SLC24A5: variants seen among roughly 807,000 people sequenced by gnomAD.
SLC24A5 encodes sodium/potassium/calcium exchanger 5.
A neutral mutation model predicts 51.6 loss-of-function variants in SLC24A5; 46 were observed. The ratio of observed to expected loss-of-function variants is 0.89; its 90% confidence interval spans 0.70 to 1.14. The LOEUF is 1.14. Among genes scored for constraint, SLC24A5 ranks in the 50% most tolerant of loss-of-function variants. The probability of loss-of-function intolerance (pLI) is 0.00; values close to 1 mark genes in which losing one functional copy is unlikely to be tolerated. For synonymous variants in SLC24A5, 230 were observed against 214.9 expected, an observed-to-expected ratio of 1.07 and a Z score of -0.62; for missense variants, 581 against 604.1, an observed-to-expected ratio of 0.96 and a Z score of 0.40.
intron 2 of SLC24A5, among the ~76,000 whole-genome samples, chr15:48,129,843 T>C (rs2038771214): frequency 6.6e-6 from 1 of 152,006 alleles, no homozygotes; most frequent in Admixed American, 6.6e-5. Flanking sequence ...CCTTAAAGAT[T>C]GTGTGGTCTG....
intron 6 of SLC24A5, 176 bp downstream of exon 6, chr15:48,137,139 A>G: frequency 1.6e-6 from 1 of 618,770 alleles, no homozygotes; most frequent in Admixed American, 3.4e-5. Context: ...GGAAATACAA[A>G]ATAGCTAAAG....
chr15:48,131,966 G>C (rs79122997), intron 2 of SLC24A5, among the ~76,000 whole-genome samples: 6 of 152,230 alleles, frequency 3.9e-5, no homozygotes, highest in Non-Finnish European at 7.4e-5. Context: ...TTAATGACTG[G>C]AGCTGGTATC....
chr15:48,132,441 T>G (rs1422435177), intron 2 of SLC24A5, among the ~76,000 whole-genome samples: 1 of 152,170 alleles, frequency 6.6e-6, no homozygotes, highest in Non-Finnish European at 1.5e-5. Flanking sequence ...AGAGCAGGAA[T>G]ATTTGTCTAT....
Position 48,139,237 on chromosome 15 carries a change from G to A in SLC24A5, c.1078+62G>A. 10 of 1,412,482 alleles carry A rather than the reference G, an allele frequency of 7.1e-6. No individual in the cohort carries two copies. In the South Asian group the frequency reaches 9.6e-5, roughly 14 times the overall value. 87.5% of individuals were successfully genotyped at this position (1,412,482 alleles called of 1,614,324 possible). A position where few individuals can be genotyped will look rare whatever the true frequency, so the allele number is the denominator to read the frequency against. ...ATTCATATAAGAACAAATTGCATAT[G>A]TTCACTCAAAGTAGTCTAGCTACAC... On this transcript the variant is annotated intron_variant, in intron 7 of 8. Transcript: ENST00000341459.
Position 48,122,056 on chromosome 15 carries a change from C to A in SLC24A5, c.301+20C>A. The A allele has an allele frequency of 1.9e-6, 3 of 1,612,836 alleles. No individual in the cohort carries two copies. The highest frequency in any genetic ancestry group is 1.7e-6 in the Non-Finnish European group (2 of 1,178,946). On this transcript the variant is annotated intron_variant, in intron 2 of 8. Transcript: ENST00000341459. ...GTGAATGTAAGTGGCTGGAAAGTTG[C>A]CCTGTAACCTTCTGGGAGAGTGTGC... is the stretch of plus-strand genomic sequence containing the variant.
In SLC24A5 at chr15:48,121,034, G is replaced by T; in HGVS notation, c.-11G>T. On this transcript the variant is annotated 5_prime_UTR_variant, in exon 1 of 9. Coordinates refer to ENST00000341459, the MANE Select transcript of SLC24A5 (RefSeq NM_205850.3). ...CCTGAAGCTGCACGCTGCAGTAAGA[G>T]CACAGCAGAAATGCAGACAAAAGGG... The T allele has an allele frequency of 1.2e-6, 2 of 1,612,748 alleles. No homozygotes were observed. Among genetic ancestry groups the T allele is most frequent in the Non-Finnish European group, 8.5e-7 (1 of 1,179,330 alleles).
chr15:48,122,109 G>C (rs1387263507), intron 2 of SLC24A5, 73 bp downstream of exon 2: 1 of 1,478,576 alleles, frequency 6.8e-7, no homozygotes, highest in African/African-American at 1.4e-5. Context: ...CTTTGAAATA[G>C]CTCAGCAGCT....
In SLC24A5 at chr15:48,142,435, T is replaced by G. The variant is rs1427789653; in HGVS notation, c.*84T>G. On this transcript the variant is annotated 3_prime_UTR_variant, in exon 9 of 9. Transcript: ENST00000341459. ...CCATTTCTTCATTTAAATCAAATTT[T>G]AAAAATCTTGAACCTTAGAATCTAA... The G allele has an allele frequency of 9.2e-6, 10 of 1,091,798 alleles. No individual in the cohort carries two copies. 67.6% of individuals were successfully genotyped at this position (1,091,798 alleles called of 1,614,324 possible).
At chr15:48,137,261 G>C in intron 6 of SLC24A5, 2 of 282,474 alleles carry the variant, frequency 7.1e-6, no homozygotes, top group Non-Finnish European at 1.3e-5. Flanking sequence ...ACAGAGAAGG[G>C]AGCATTTAAA....
In SLC24A5 at chr15:48,134,878, T is replaced by C; in HGVS notation, c.490-6T>C. ...GTAATGGAAATAATAACTTACCATA[T>C]TACAGGTCTCAACACTATCATGTTG... On this transcript the variant is annotated splice_region_variant and splice_polypyrimidine_tract_variant and intron_variant, in intron 4 of 8. Transcript: ENST00000341459. 6.3e-7 allele frequency: 1 copy of C among 1,597,586 alleles called. No homozygotes were observed. Among genetic ancestry groups the C allele is most frequent in the Non-Finnish European group, 8.6e-7 (1 of 1,168,444 alleles).
At chr15:48,140,034 C>T (rs2039014130) in intron 7 of SLC24A5, 1 of 151,822 alleles carries the variant, frequency 6.6e-6, no homozygotes, top group Non-Finnish European at 1.5e-5. Context: ...TTGACTTTTC[C>T]CAAATTAATG....
At chr15:48,121,825 T>G in intron 1 of SLC24A5, 32 bp from the exon 2 acceptor site, 1 of 1,609,946 alleles carries the variant, frequency 6.2e-7, no homozygotes, top group Non-Finnish European at 8.5e-7. Context: ...GACTCCAAAC[T>G]CTTCAAACTT....
chr15:48,131,603 A>C (rs1295860629), intron 2 of SLC24A5, among the ~76,000 whole-genome samples: 2 of 152,104 alleles, frequency 1.3e-5, no homozygotes, highest in South Asian at 4.1e-4. Flanking sequence ...GAGTGGAAGC[A>C]GCCTGAGGCT....
intron 2 of SLC24A5, among the ~76,000 whole-genome samples, chr15:48,130,914 C>G (rs527674647): frequency 9.7e-4 from 147 of 152,222 alleles, no homozygotes; most frequent in African/African-American, 3.2e-3. Context: ...AAAATAAAAA[C>G]AGCATTGGGC....
chr15:48,136,271 T>C (rs1442173353), intron 5 of SLC24A5: 1 of 153,166 alleles, frequency 6.5e-6, no homozygotes, highest in Non-Finnish European at 1.5e-5. Context: ...TAACAGTTAC[T>C]ATATTATTTT....
intron 2 of SLC24A5, among the ~76,000 whole-genome samples, chr15:48,128,718 T>A (rs923939658): frequency 1.3e-5 from 2 of 152,168 alleles, no homozygotes; most frequent in Non-Finnish European, 2.9e-5. Flanking sequence ...GAGTATTTCA[T>A]CCTCTTTGTT....
In SLC24A5 at chr15:48,134,961, A is replaced by G; in HGVS notation, c.567A>G (p.Ile189Met). 6.2e-7 allele frequency: 1 copy of G among 1,610,190 alleles called. No individual in the cohort carries two copies. The highest frequency in any genetic ancestry group is 2.2e-5 in the East Asian group (1 of 44,784). The change falls in exon 5 of 9, where the codon ATA becomes ATG. Residue 189 changes from isoleucine (I) to methionine (M), a missense_variant. Transcript: ENST00000341459. ...YTISAAAVLG[I>M]IYDNQVYWYE... ...TTAGTGCAGCAGCAGTTCTTGGTAT[A>G]ATATATGACAACCAAGTTTACTGGT... is the stretch of plus-strand genomic sequence containing the variant.
intron 6 of SLC24A5, chr15:48,137,573 G>C (rs1161782688): frequency 1.3e-5 from 2 of 152,164 alleles, no homozygotes; most frequent in African/African-American, 4.8e-5. Flanking sequence ...GTCTGTAAGA[G>C]AGGCTATTAC....
intron 2 of SLC24A5, chr15:48,124,131 T>A (rs1267155221): frequency 6.6e-6 from 1 of 152,116 alleles, no homozygotes; most frequent in African/African-American, 2.4e-5. Context: ...GTTTAAATAT[T>A]TTAAGTAAAT....
Sources: allele counts gnomAD v4.1 joint callset (sites outside exome capture counted in the v4.1 genomes callset), GRCh38; gene constraint gnomAD v4.1.1; transcripts MANE v1.5; gene names NCBI Gene and HGNC (gene_info 2026-07-23, HGNC 2026-07-21).